RBFOX1: variants seen among roughly 807,000 people sequenced by gnomAD.
RBFOX1 encodes the protein RNA binding fox-1 homolog 1.
RBFOX1 carries 8 observed loss-of-function variants against 57.7 expected under a neutral mutation model. The observed-to-expected ratio is 0.14, with a 90% CI of 0.08 to 0.25. The LOEUF (loss-of-function observed/expected upper bound fraction) is 0.25, where lower values mean the gene tolerates loss of function less well. Ranked by LOEUF, RBFOX1 falls within the 10% of genes least tolerant of loss-of-function variation. RBFOX1 has a pLI of 1.00. For missense variants in RBFOX1, 611 were observed against 548.5 expected (o/e 1.11, Z -1.14); for synonymous variants, 326 against 222.4 (o/e 1.47, Z -4.15).
intron 4 of RBFOX1, among the ~76,000 whole-genome samples, chr16:7,069,674 T>G (rs1463425033): frequency 6.6e-6 from 1 of 152,142 alleles, no homozygotes; most frequent in East Asian, 1.9e-4. Flanking sequence ...ACTTAGTGGA[T>G]CGTGCCCCAG....
intron 2 of RBFOX1, among the ~76,000 whole-genome samples, chr16:6,465,969 C>T (rs1414248072): frequency 6.6e-6 from 1 of 151,910 alleles, no homozygotes; most frequent in East Asian, 1.9e-4. Context: ...TGGCTCATGC[C>T]TGTAATCCTA....
intron 4 of RBFOX1, among the ~76,000 whole-genome samples, chr16:7,226,383 G>C (rs1259215959): frequency 6.6e-6 from 1 of 152,186 alleles, no homozygotes; most frequent in African/African-American, 2.4e-5. Flanking sequence ...ATTTCCAGCA[G>C]GTGTAAGGGA....
chr16:6,139,745 T>G (rs1300652962), intron 1 of RBFOX1, among the ~76,000 whole-genome samples: 2 of 152,122 alleles, frequency 1.3e-5, no homozygotes, highest in Non-Finnish European at 2.9e-5. Flanking sequence ...TCTTGGTCGT[T>G]TTTTTCTTGA....
chr16:7,311,323 A>T (rs938762130), intron 4 of RBFOX1, among the ~76,000 whole-genome samples: 2 of 152,012 alleles, frequency 1.3e-5, no homozygotes, highest in Non-Finnish European at 2.9e-5. Flanking sequence ...AGCATTCAGA[A>T]GGTTAGTGTG....
At chr16:6,561,129 C>CA (rs2097174198) in intron 2 of RBFOX1, among the ~76,000 whole-genome samples, 2 of 152,076 alleles carry the variant, frequency 1.3e-5, no homozygotes, top group African/African-American at 4.8e-5. Context: ...ATATTTGTAA[C>CA]AAAAAGTAAT....
chr16:5,804,801 G>T (rs1394400027), intron 3 of RBFOX1, among the ~76,000 whole-genome samples: 1 of 152,142 alleles, frequency 6.6e-6, no homozygotes, highest in African/African-American at 2.4e-5. Context: ...ATACTTAGCA[G>T]GTGTTTTCCC....
chr16:7,102,297 A>T (rs1462282000), intron 4 of RBFOX1, among the ~76,000 whole-genome samples: 3 of 152,194 alleles, frequency 2.0e-5, no homozygotes, highest in Non-Finnish European at 4.4e-5. Flanking sequence ...CTATCCATAG[A>T]CTATTGGATT....
In RBFOX1 at chr16:6,633,755, T is replaced by C. The variant is rs148210223; in HGVS notation, c.-63-20848T>C. 3.1e-3 allele frequency among the ~76,000 whole-genome samples: 468 copies of C among 152,286 alleles called. 6 individuals carry two copies. The highest frequency in any genetic ancestry group is 0.01 in the African/African-American group (434 of 41,566). On this transcript the variant is annotated intron_variant, in intron 2 of 15. Transcript: ENST00000550418. Reference sequence around the variant, plus strand: ...CAGGCGCTGTAGCTCATGCCTGTAATCCTTAGGCTTTGGGAGGCTGAGGCA... The same window carrying C: ...CAGGCGCTGTAGCTCATGCCTGTAACCCTTAGGCTTTGGGAGGCTGAGGCA...
chr16:7,673,590 C>T (rs554033488), intron 13 of RBFOX1, among the ~76,000 whole-genome samples: 7 of 152,094 alleles, frequency 4.6e-5, no homozygotes, highest in Non-Finnish European at 1.0e-4. Context: ...ATTTGAGGTG[C>T]TTAATGGGTA....
At chr16:5,691,799 G>A (rs1188519029) in intron 3 of RBFOX1, among the ~76,000 whole-genome samples, 2 of 152,030 alleles carry the variant, frequency 1.3e-5, no homozygotes, top group Non-Finnish European at 2.9e-5. Context: ...AAGAGGAAAC[G>A]AGGTTCAGAA....
intron 1 of RBFOX1, among the ~76,000 whole-genome samples, chr16:6,298,240 G>T (rs34406606): frequency 6.6e-6 from 1 of 151,896 alleles, no homozygotes; most frequent in Non-Finnish European, 1.5e-5. Flanking sequence ...CCTGCGAGGG[G>T]GTCAGGGAAC....
At chr16:6,479,500 A>G (rs1176930844) in intron 2 of RBFOX1, among the ~76,000 whole-genome samples, 4 of 152,042 alleles carry the variant, frequency 2.6e-5, no homozygotes, top group South Asian at 4.2e-4. Context: ...AGGCAGGAAA[A>G]TCACTTGAAT....
In RBFOX1 at chr16:6,978,454, A is replaced by G. The variant is rs2087723419; in HGVS notation, c.-15-73603A>G. On this transcript the variant is annotated intron_variant, in intron 3 of 15. Transcript: ENST00000550418. ...GAATAGTTATAAGCCCTTGGTGCAT[A>G]TTTACTTATTACGTTTTCATTACAG... Among the ~76,000 whole-genome samples the G allele has an allele frequency of 2.0e-5, 3 of 152,118 alleles. No individual in the cohort carries two copies. The South Asian group carries it at 6.2e-4, about 31-fold the overall frequency.
At chr16:6,928,343 A>G (rs2153468892) in intron 3 of RBFOX1, among the ~76,000 whole-genome samples, 1 of 152,192 alleles carries the variant, frequency 6.6e-6, no homozygotes, top group East Asian at 1.9e-4. Context: ...GGGCGGGGAA[A>G]GAAAAGAGGA....
At chr16:6,482,870 G>A (rs796317146) in intron 2 of RBFOX1, among the ~76,000 whole-genome samples, 15 of 152,340 alleles carry the variant, frequency 9.8e-5, no homozygotes, top group African/African-American at 3.6e-4. Context: ...AGTAGCGTAA[G>A]TAATTGGGAG....
intron 1 of RBFOX1, among the ~76,000 whole-genome samples, chr16:6,209,098 A>T (rs2097274780): frequency 6.6e-6 from 1 of 152,218 alleles, no homozygotes; most frequent in Non-Finnish European, 1.5e-5. Context: ...AGAGGACAAC[A>T]TAGAAAGCAG....
chr16:5,956,702 C>T (rs1279565997), intron 4 of RBFOX1, among the ~76,000 whole-genome samples: 1 of 123,022 alleles, frequency 8.1e-6, no homozygotes, highest in South Asian at 2.5e-4. Context: ...ACAGTCTCAT[C>T]CTGTCACCCA....
intron 4 of RBFOX1, chr16:5,867,360 CT>C: frequency 8.5e-7 from 1 of 1,172,350 alleles, no homozygotes. Context: ...TTTTCTGTCC[CT>C]TTAGAAGATA....
At chr16:7,326,800 G>A (rs13334979) in intron 4 of RBFOX1, among the ~76,000 whole-genome samples, 39,652 of 151,826 alleles carry the variant, frequency 0.26, 5,971 homozygotes, top group African/African-American at 0.4. Flanking sequence ...TTTTCCTACT[G>A]TTGTGATGCC....
Sources: gnomAD v4.1 joint callset for allele counts (sites outside exome capture counted in the v4.1 genomes callset) on GRCh38, gnomAD v4.1.1 for gene constraint, MANE v1.5 for transcripts, NCBI Gene and HGNC (gene_info 2026-07-23, HGNC 2026-07-21) for gene names.